OXR1: variants seen among roughly 807,000 people sequenced by gnomAD.
OXR1 encodes the protein oxidation resistance 1, also known as oxidation resistance protein 1.
In OXR1, 41 loss-of-function variants were observed where a neutral mutation model predicts 104.6. The observed-to-expected ratio is 0.39, with a 90% confidence interval of 0.31 to 0.51. OXR1 has a LOEUF of 0.51. Ranked by LOEUF, OXR1 falls within the 20% of genes least tolerant of loss-of-function variation. The pLI is 0.77. For missense variants in OXR1, 955 were observed against 1,031.9 expected (o/e 0.93, Z 1.02); for synonymous variants, 348 against 348.4 (o/e 1.00, Z 0.01).
intron 2 of OXR1, among the ~76,000 whole-genome samples, chr8:106,394,116 A>G (rs1200402585): frequency 6.6e-6 from 1 of 152,078 alleles, no homozygotes; most frequent in Admixed American, 6.6e-5. Flanking sequence ...ATAATCAATG[A>G]CAGAGCATTT....
intron 3 of OXR1, among the ~76,000 whole-genome samples, chr8:106,636,123 A>G (rs13257540): frequency 0.18 from 27,595 of 152,098 alleles, 2,673 homozygotes; most frequent in East Asian, 0.39. Context: ...ATGCTGAGCT[A>G]CCTACTTGTC....
intron 2 of OXR1, among the ~76,000 whole-genome samples, chr8:106,503,719 C>T (rs974144569): frequency 5.3e-5 from 8 of 152,098 alleles, no homozygotes; most frequent in Non-Finnish European, 1.0e-4. Flanking sequence ...CTGAAACCTG[C>T]GGGGCAAAGA....
intron 2 of OXR1, among the ~76,000 whole-genome samples, chr8:106,505,731 A>G (rs1228779105): frequency 2.0e-5 from 3 of 152,182 alleles, no homozygotes; most frequent in Admixed American, 1.3e-4. Context: ...AGATTCACAT[A>G]TTTGGGAATC....
At chr8:106,383,258 T>C (rs985210398) in intron 2 of OXR1, among the ~76,000 whole-genome samples, 1 of 152,198 alleles carries the variant, frequency 6.6e-6, no homozygotes. Context: ...TAAAGTTGTT[T>C]TTATATTTCT....
At chr8:106,396,254 A>G (rs12674760) in intron 2 of OXR1, among the ~76,000 whole-genome samples, 96,519 of 151,808 alleles carry the variant, frequency 0.64, 30,895 homozygotes, top group Middle Eastern at 0.67. Flanking sequence ...CTTCCAAAGA[A>G]TAGTGTTTGG....
At chr8:106,280,914 C>G (rs562950030) in intron 1 of OXR1, among the ~76,000 whole-genome samples, 1 of 152,090 alleles carries the variant, frequency 6.6e-6, no homozygotes, top group Admixed American at 6.6e-5. Context: ...TCCCAGGGAC[C>G]TTTACTTAGT....
chr8:106,468,309 G>T (rs1208306737), intron 2 of OXR1, among the ~76,000 whole-genome samples: 2 of 151,614 alleles, frequency 1.3e-5, no homozygotes, highest in African/African-American at 4.8e-5. Flanking sequence ...AACAATTTTT[G>T]AGTTTACTTT....
intron 9 of OXR1, among the ~76,000 whole-genome samples, chr8:106,708,758 C>A (rs895447908): frequency 1.3e-5 from 2 of 152,048 alleles, no homozygotes; most frequent in African/African-American, 4.8e-5. Flanking sequence ...CTGTTTGAAT[C>A]CCTCCTTTGA....
At chr8:106,638,893 C>CA (rs34153559) in intron 3 of OXR1, among the ~76,000 whole-genome samples, 13,828 of 94,440 alleles carry the variant, frequency 0.15, 1,139 homozygotes, top group African/African-American at 0.3. Flanking sequence ...GACTCCATTT[C>CA]AAAAAAAAAA....
At chr8:106,304,683 A>C (rs2130105499) in intron 1 of OXR1, among the ~76,000 whole-genome samples, 1 of 152,316 alleles carries the variant, frequency 6.6e-6, no homozygotes, top group South Asian at 2.1e-4. Flanking sequence ...TAAGTCTTCA[A>C]AATGTGGTAT....
At chr8:106,364,140 T>C (rs980960124) in intron 2 of OXR1, among the ~76,000 whole-genome samples, 1 of 152,234 alleles carries the variant, frequency 6.6e-6, no homozygotes, top group Non-Finnish European at 1.5e-5. Flanking sequence ...GGGTAAGTTA[T>C]TAATGTTTTG....
chr8:106,372,964 A>G (rs1198140987), intron 2 of OXR1, among the ~76,000 whole-genome samples: 4 of 152,238 alleles, frequency 2.6e-5, no homozygotes, highest in Admixed American at 2.0e-4. Flanking sequence ...TTCCATATTC[A>G]TAGATTCAAC....
intron 3 of OXR1, among the ~76,000 whole-genome samples, chr8:106,540,964 G>A (rs1814912926): frequency 6.6e-6 from 1 of 152,096 alleles, no homozygotes; most frequent in African/African-American, 2.4e-5. Context: ...ATTTGGGTGG[G>A]GACACAGAGC....
In OXR1 at chr8:106,621,498, A is replaced by C. The variant is rs1004074346; in HGVS notation, c.221-57712A>C. 1.7e-4 allele frequency among the ~76,000 whole-genome samples: 26 copies of C among 151,604 alleles called. 1 individual carries two copies. The highest frequency in any genetic ancestry group is 1.3e-3 in the Admixed American group (20 of 15,210). ...GAATTGTATTGGTTTTCACAGTTTC[A>C]AAAACATTCAATAAGAGTAAAAAAA... On this transcript the variant is annotated intron_variant, in intron 3 of 16. Coordinates refer to ENST00000517566, the MANE Select transcript of OXR1 (RefSeq NM_001198533.2).
chr8:106,637,761 C>CT (rs71307078), intron 3 of OXR1, among the ~76,000 whole-genome samples: 39,096 of 128,370 alleles, frequency 0.3, 6,820 homozygotes, highest in African/African-American at 0.46. Flanking sequence ...ATAGTTTCGA[C>CT]TTTTTTTTTT....
intron 2 of OXR1, among the ~76,000 whole-genome samples, chr8:106,510,182 A>G (rs752533916): frequency 1.3e-5 from 2 of 152,098 alleles, no homozygotes; most frequent in Non-Finnish European, 2.9e-5. Flanking sequence ...GTTTATTTTC[A>G]TAGGTTTTTA....
intron 10 of OXR1, among the ~76,000 whole-genome samples, chr8:106,712,076 C>T (rs972163315): frequency 6.6e-6 from 1 of 151,934 alleles, no homozygotes; most frequent in African/African-American, 2.4e-5. Context: ...TCTGCCTCTC[C>T]CTTTTATTTT....
intron 2 of OXR1, among the ~76,000 whole-genome samples, chr8:106,391,349 A>G (rs1817580385): frequency 6.6e-6 from 1 of 152,166 alleles, no homozygotes; most frequent in Admixed American, 6.6e-5. Flanking sequence ...AATTTTGGGC[A>G]TGAGTTGCTA....
At chr8:106,437,821 A>G (rs142242463) in intron 2 of OXR1, among the ~76,000 whole-genome samples, 11 of 152,316 alleles carry the variant, frequency 7.2e-5, no homozygotes, top group African/African-American at 2.6e-4. Flanking sequence ...ATCTATGACA[A>G]GGTACTGTGG....
Sources: gnomAD v4.1 joint callset for allele counts (sites outside exome capture counted in the v4.1 genomes callset) on GRCh38, gnomAD v4.1.1 for gene constraint, MANE v1.5 for transcripts, NCBI Gene and HGNC (gene_info 2026-07-23, HGNC 2026-07-21) for gene names.